COL11A1: variants seen among roughly 807,000 people sequenced by gnomAD.
The protein encoded by COL11A1 is collagen alpha-1(XI) chain.
Under a neutral mutation model 265.2 loss-of-function variants are expected in COL11A1, and 74 were observed. That is an observed-to-expected ratio of 0.28 (90% confidence interval 0.23 to 0.34). COL11A1 has a LOEUF of 0.34. Ranked by LOEUF, COL11A1 falls within the 10% of genes least tolerant of loss-of-function variation. COL11A1 has a pLI of 1.00. For synonymous variants in COL11A1, 816 were observed against 727.6 expected, an observed-to-expected ratio of 1.12 and a Z score of -1.96; for missense variants, 2,165 against 2,263.6, an observed-to-expected ratio of 0.96 and a Z score of 0.88.
chr1:102,943,050 T>G (rs1444255459), intron 42 of COL11A1, among the ~76,000 whole-genome samples: 1 of 152,124 alleles, frequency 6.6e-6, no homozygotes, highest in Non-Finnish European at 1.5e-5. Flanking sequence ...GCAGGCAACT[T>G]GAGTCTACTC....
intron 1 of COL11A1, among the ~76,000 whole-genome samples, chr1:103,091,550 A>T (rs910393205): frequency 6.6e-6 from 1 of 152,100 alleles, no homozygotes; most frequent in South Asian, 2.1e-4. Context: ...TTGTAAGATT[A>T]TATATGAAGC....
intron 30 of COL11A1, 38 bp from the exon 31 acceptor site, chr1:102,984,229 A>T: frequency 7.7e-7 from 1 of 1,293,412 alleles, no homozygotes; most frequent in South Asian, 1.3e-5. Flanking sequence ...GTAATATTTT[A>T]AGTTGAATTA....
rs1185917760 is a variant in COL11A1 at position 102,889,502 on chromosome 1, G to T, written c.4417C>A (p.Arg1473=). The T allele has an allele frequency of 3.7e-6, 6 of 1,612,786 alleles. No individual in the cohort carries two copies. Among genetic ancestry groups the T allele is most frequent in the South Asian group, 3.3e-5 (3 of 91,036 alleles). The change falls in exon 59 of 67, where the codon CGA becomes AGA. Residue 1473 remains arginine, a synonymous_variant. Coordinates refer to ENST00000370096, the MANE Select transcript of COL11A1 (RefSeq NM_001854.4). ...GATCCTTGAGTTCCAGGGAGCCCTC[G>T]GTCACCTTTTTCCCCTTGTTCTCCT... ...PPGEQGEKGD[R]GLPGTQGSPG...
chr1:102,977,413 G>C (rs1247903808), intron 35 of COL11A1, among the ~76,000 whole-genome samples: 1 of 152,054 alleles, frequency 6.6e-6, no homozygotes, highest in African/African-American at 2.4e-5. Context: ...AGAGGTACTT[G>C]TCTCACTCTC....
Position 102,984,095 on chromosome 1 carries a change from C to T in COL11A1, c.2556+43G>A, listed in dbSNP as rs773471871. 7.6e-6 allele frequency: 10 copies of T among 1,320,750 alleles called. No homozygotes were observed. In the Admixed American group the frequency reaches 1.2e-4, roughly 16 times the overall value. 81.8% of individuals were successfully genotyped at this position (1,320,750 alleles called of 1,614,324 possible). A position where few individuals can be genotyped will look rare whatever the true frequency, so the allele number is the denominator to read the frequency against. On this transcript the variant is annotated intron_variant, in intron 31 of 66. Coordinates refer to ENST00000370096, the MANE Select transcript of COL11A1 (RefSeq NM_001854.4). The stretch of plus-strand genomic sequence containing the variant: ...GGTAATCATAAGTGATTAATATTAT[C>T]TTCACGAAATGTTAATAAACTATAA...
At chr1:102,937,074 A>C (rs1332930762) in intron 44 of COL11A1, among the ~76,000 whole-genome samples, 1 of 152,156 alleles carries the variant, frequency 6.6e-6, no homozygotes, top group Non-Finnish European at 1.5e-5. Context: ...TATTTGCAAA[A>C]ATATAGCTAG....
chr1:102,940,403 C>T lies in COL11A1; in HGVS notation c.3308G>A (p.Arg1103Lys). The T allele has an allele frequency of 6.2e-7, 1 of 1,614,034 alleles. No individual in the cohort carries two copies. Among genetic ancestry groups the T allele is most frequent in the Non-Finnish European group, 8.5e-7 (1 of 1,179,990 alleles). ...ACCAACAGGACCTTGAACTCCATCT[C>T]TCCCTGCAGGCCCTTGGGGACCTTT... is the stretch of plus-strand genomic sequence containing the variant. ...GEKGPQGPAG[R>K]DGVQGPVGLP... Residue 1103 changes from arginine (R) to lysine (K), a missense_variant, in exon 43 of 67, where the codon AGA becomes AAA. Coordinates refer to ENST00000370096, the MANE Select transcript of COL11A1 (RefSeq NM_001854.4).
In COL11A1 at chr1:102,946,522, C is replaced by T. The variant is rs115664081; in HGVS notation, c.3276+327G>A. 0.033 allele frequency among the ~76,000 whole-genome samples: 4,995 copies of T among 151,826 alleles called. 306 individuals are homozygous for T. The highest frequency in any genetic ancestry group is 0.11 in the African/African-American group (4,754 of 41,382). ...TTACAAGAGGTGTAAAAAGTTCACA[C>T]TTTTCTAATGTAAAGCAGCAAGGTA... On this transcript the variant is annotated intron_variant, in intron 42 of 66. Coordinates refer to ENST00000370096, the MANE Select transcript of COL11A1 (RefSeq NM_001854.4).
intron 41 of COL11A1, among the ~76,000 whole-genome samples, chr1:102,960,343 G>T (rs1167783359): frequency 1.3e-5 from 2 of 152,098 alleles, no homozygotes; most frequent in African/African-American, 4.8e-5. Flanking sequence ...GGGTAAGTGT[G>T]AGATGATTAC....
rs182970008 is a variant in COL11A1 at position 102,933,978 on chromosome 1, C to T, written c.3600+471G>A. Among the ~76,000 whole-genome samples the T allele has an allele frequency of 1.0e-3, 153 of 152,274 alleles. 1 individual carries two copies. Among genetic ancestry groups the T allele is most frequent in the Admixed American group, 2.0e-3 (31 of 15,304 alleles). ...CACGGTGCGCGCACCCACTGACCTG[C>T]GCCCACTGTCTGGCACTCCCTAGTG... On this transcript the variant is annotated intron_variant, in intron 46 of 66. Coordinates refer to ENST00000370096, the MANE Select transcript of COL11A1 (RefSeq NM_001854.4).
intron 4 of COL11A1, among the ~76,000 whole-genome samples, chr1:103,044,165 G>GTT (rs367743704): frequency 0.051 from 7,273 of 141,496 alleles, 295 homozygotes; most frequent in African/African-American, 0.11. Context: ...ACTCTCACCA[G>GTT]TTTTTTTTTT....
chr1:103,009,070 T>A (rs536710225), intron 14 of COL11A1, among the ~76,000 whole-genome samples: 3,584 of 152,248 alleles, frequency 0.024, 55 homozygotes, highest in Middle Eastern at 0.075. Flanking sequence ...GTTTGTTTTT[T>A]CCCATGAGAA....
At chr1:103,065,576 A>ACAAAC (rs57475656) in intron 4 of COL11A1, among the ~76,000 whole-genome samples, 1 of 137,866 alleles carries the variant, frequency 7.3e-6, no homozygotes, top group African/African-American at 3.4e-5. Context: ...AAACAAACAA[A>ACAAAC]AAAAATAGCA....
Position 102,923,399 on chromosome 1 carries a change from T to C in COL11A1, c.3601-10A>G. 6.3e-7 allele frequency: 1 copy of C among 1,581,646 alleles called. No individual in the cohort carries two copies. The highest frequency in any genetic ancestry group is 8.6e-7 in the Non-Finnish European group (1 of 1,161,848). ...GTGGGCCTGGCAGACCCTAAGAAAA[T>C]ATAATAGAAAAATAATAAAAGTCAC... On this transcript the variant is annotated splice_polypyrimidine_tract_variant and intron_variant, in intron 46 of 66. Coordinates refer to ENST00000370096, the MANE Select transcript of COL11A1 (RefSeq NM_001854.4).
chr1:102,936,265 T>A (rs1658134102), intron 44 of COL11A1, among the ~76,000 whole-genome samples: 1 of 150,720 alleles, frequency 6.6e-6, no homozygotes, highest in Non-Finnish European at 1.5e-5. Context: ...CCTACAAACA[T>A]TTGGATTATA....
At chr1:103,010,112 C>T (rs1296491529) in intron 14 of COL11A1, among the ~76,000 whole-genome samples, 2 of 152,124 alleles carry the variant, frequency 1.3e-5, no homozygotes, top group African/African-American at 4.8e-5. Context: ...AGATTTTCTA[C>T]ACTTCCTGAA....
intron 46 of COL11A1, among the ~76,000 whole-genome samples, chr1:102,931,830 C>T (rs1166094801): frequency 6.6e-6 from 1 of 151,354 alleles, no homozygotes; most frequent in Non-Finnish European, 1.5e-5. Flanking sequence ...TGAATTGATC[C>T]CTTTAGCATT....
intron 4 of COL11A1, among the ~76,000 whole-genome samples, chr1:103,043,102 T>C (rs1204014719): frequency 6.8e-6 from 1 of 146,420 alleles, no homozygotes; most frequent in South Asian, 2.1e-4. Context: ...GAAATATATA[T>C]AATGAATACC....
chr1:103,019,283 T>A (rs190021022), intron 9 of COL11A1, among the ~76,000 whole-genome samples: 3 of 152,194 alleles, frequency 2.0e-5, no homozygotes, highest in East Asian at 3.9e-4. Context: ...AGCACTTTAA[T>A]TCAGGGAAAT....
Sources: allele counts gnomAD v4.1 joint callset (sites outside exome capture counted in the v4.1 genomes callset), GRCh38; gene constraint gnomAD v4.1.1; transcripts MANE v1.5; gene names NCBI Gene and HGNC (gene_info 2026-07-23, HGNC 2026-07-21).